Variants in PROX2 observed in about 807,000 individuals in gnomAD.
The protein encoded by PROX2 is prospero homeobox protein 2.
Under a neutral mutation model 48.9 loss-of-function variants are expected in PROX2, and 46 were observed. The ratio of observed to expected loss-of-function variants is 0.94; its 90% CI spans 0.74 to 1.20. PROX2 has a LOEUF of 1.20. Ranked by LOEUF, PROX2 falls within the 50% of genes most tolerant of loss-of-function variation. The pLI, the probability that PROX2 is intolerant of heterozygous loss-of-function variation, is 0.00. For missense variants in PROX2, 663 were observed against 719.4 expected (o/e 0.92, Z 0.90); for synonymous variants, 260 against 276.6 (o/e 0.94, Z 0.60).
chr14:74,856,764 T>G (rs2091745999), intron 5 of PROX2, 37 bp downstream of exon 5: 2 of 1,542,946 alleles, frequency 1.3e-6, no homozygotes, highest in East Asian at 4.5e-5. Flanking sequence ...GGGAAGACAC[T>G]CATCAGATCT....
At chr14:74,871,360 G>A (rs2140174389) in intron 1 of PROX2, 123 bp from the exon 2 acceptor site, 1 of 152,262 alleles carries the variant, frequency 6.6e-6, no homozygotes, top group East Asian at 1.9e-4. Context: ...CACTGGAGAA[G>A]CAAATTTAGC....
At chr14:74,858,842 TTGTGTGTGTGTGTGTGTGTGTGTG>T (rs199587376) in intron 3 of PROX2, 5 of 162,148 alleles carry the variant, frequency 3.1e-5, no homozygotes, top group Admixed American at 1.4e-4. Context: ...GGTTGGTGTA[TTGTGTGTGTGTGTGTGTGTGTGTG>T]TGTGTGTGTG....
rs145414176 is a variant in PROX2 at position 74,853,040 on chromosome 14, C to T, written c.*2092G>A. 2.0e-5 allele frequency: 3 copies of T among 152,294 alleles called. No homozygotes were observed. The East Asian group carries it at 5.8e-4, about 29-fold the overall frequency. The allele number at this position is 152,294 out of a possible 1,614,324, so 9.4% of individuals were successfully genotyped here. On this transcript the variant is annotated 3_prime_UTR_variant, in exon 6 of 6. Coordinates refer to ENST00000556489, the MANE Select transcript of PROX2 (RefSeq NM_001243007.2). ...AAATAGAATTCTTCTGTTGGCAGAG[C>T]ATACATATTTATACATTCTTCTGTG...
At chr14:74,874,159 C>T (rs1191077765) in intron 1 of PROX2, 2 of 506,082 alleles carry the variant, frequency 4.0e-6, no homozygotes, top group Non-Finnish European at 4.0e-6. Context: ...TACACAAATC[C>T]TCAGAGAACA....
At chr14:74,860,135 TGA>T (rs1759674547) in intron 3 of PROX2, among the ~76,000 whole-genome samples, 3 of 152,308 alleles carry the variant, frequency 2.0e-5, no homozygotes, top group Middle Eastern at 3.4e-3. Context: ...TTGAGAACGG[TGA>T]GATAATACAG....
At chr14:74,859,862 G>A (rs1292664510) in intron 3 of PROX2, among the ~76,000 whole-genome samples, 1 of 152,212 alleles carries the variant, frequency 6.6e-6, no homozygotes, top group Non-Finnish European at 1.5e-5. Flanking sequence ...CACAAATGCT[G>A]TGGAGAGAAT....
intron 2 of PROX2, among the ~76,000 whole-genome samples, chr14:74,869,288 T>A (rs1883154417): frequency 6.6e-6 from 1 of 152,010 alleles, no homozygotes; most frequent in African/African-American, 2.4e-5. Context: ...AACTTTTTTT[T>A]TTTTTTTGAG....
At chr14:74,856,046 G>A (rs1478652361) in intron 5 of PROX2, 1 of 152,252 alleles carries the variant, frequency 6.6e-6, no homozygotes, top group Non-Finnish European at 1.5e-5. Context: ...TGTATTTTTT[G>A]GAGGTATCAA....
At chr14:74,874,718 TGA>T (rs1163101579) in intron 1 of PROX2, among the ~76,000 whole-genome samples, 1 of 152,214 alleles carries the variant, frequency 6.6e-6, no homozygotes, top group African/African-American at 2.4e-5. Flanking sequence ...TGGACCAGTT[TGA>T]GAGTTACTGA....
chr14:74,856,689 G>T, intron 5 of PROX2, 112 bp downstream of exon 5: 1 of 884,570 alleles, frequency 1.1e-6, no homozygotes, highest in Non-Finnish European at 1.7e-6. Flanking sequence ...GGCCCAGGCT[G>T]CCCTGGCTCT....
intron 2 of PROX2, among the ~76,000 whole-genome samples, chr14:74,869,633 G>A (rs776766171): frequency 3.3e-5 from 5 of 151,980 alleles, no homozygotes; most frequent in East Asian, 1.9e-4. Flanking sequence ...GAATATATTC[G>A]TGTGTTACTT....
At chr14:74,871,340 T>TA (rs1000174504) in intron 1 of PROX2, 103 bp from the exon 2 acceptor site, 1 of 151,992 alleles carries the variant, frequency 6.6e-6, no homozygotes, top group East Asian at 1.9e-4. Flanking sequence ...GTACCAGAAA[T>TA]AAAAAACCCC....
At chr14:74,868,360 T>TATATATAA (rs1883126741) in intron 2 of PROX2, among the ~76,000 whole-genome samples, 2 of 107,840 alleles carry the variant, frequency 1.9e-5, no homozygotes, top group South Asian at 3.1e-4. Context: ...TATATATATA[T>TATATATAA]AAACAAAAAT....
At position 74,854,896 on chromosome 14, in the gene PROX2, G is replaced by A; in HGVS notation, c.*236C>T. On this transcript the variant is annotated 3_prime_UTR_variant, in exon 6 of 6. Transcript: ENST00000556489. ...CTTCAAGTCTTCTGATTGGAAACTT[G>A]TGTTCCTTTTACAATATACTACCAA... 3.2e-6 allele frequency: 1 copy of A among 311,096 alleles called. No homozygotes were observed. The highest frequency in any genetic ancestry group is 5.8e-6 in the Non-Finnish European group (1 of 171,502). The allele number at this position is 311,096 out of a possible 1,614,324, so 19.3% of individuals were successfully genotyped here.
rs373060395 is a variant in PROX2 at position 74,862,556 on chromosome 14, C to T, written c.1279G>A (p.Glu427Lys). Residue 427 changes from glutamate to lysine, a missense_variant, in exon 3 of 6, where the codon GAG (glutamate) becomes AAG (lysine). By Grantham distance (56) the Glu-to-Lys change is moderately conservative (BLOSUM62 1). Transcript: ENST00000556489. ...TGGACCAAAGAGAAAGGCAGTGCCT[C>T]CATGACAGCATGCAGGCCTCTCTGT... is the stretch of plus-strand genomic sequence containing the variant. ...MEQRGLHAVMEALPFSLVHIQ... is the reference protein window; with the variant it reads ...MEQRGLHAVMKALPFSLVHIQ... 1.2e-6 allele frequency: 2 copies of T among 1,613,652 alleles called. No individual in the cohort carries two copies. Among genetic ancestry groups the T allele is most frequent in the Non-Finnish European group, 1.7e-6 (2 of 1,179,764 alleles).
At chr14:74,861,123 G>A (rs2091791947) in intron 3 of PROX2, 5 of 946,076 alleles carry the variant, frequency 5.3e-6, no homozygotes, top group South Asian at 5.0e-5. Flanking sequence ...AGGACACAAA[G>A]GCAGGTTCTG....
intron 2 of PROX2, among the ~76,000 whole-genome samples, chr14:74,869,230 T>C (rs1883152096): frequency 6.6e-6 from 1 of 152,058 alleles, no homozygotes; most frequent in African/African-American, 2.4e-5. Flanking sequence ...CCTCCAGAAA[T>C]GTACCAACTG....
At chr14:74,867,595 C>T (rs1883093984) in intron 2 of PROX2, among the ~76,000 whole-genome samples, 1 of 152,150 alleles carries the variant, frequency 6.6e-6, no homozygotes, top group Non-Finnish European at 1.5e-5. Flanking sequence ...TTTGTCTCCT[C>T]AATAGACAAT....
At chr14:74,874,691 ACGAAG>A (rs1376595582) in intron 1 of PROX2, among the ~76,000 whole-genome samples, 1 of 152,226 alleles carries the variant, frequency 6.6e-6, no homozygotes, top group Non-Finnish European at 1.5e-5. Context: ...AAAAAATGAA[ACGAAG>A]AGGAAAGATA....
Sources: allele counts gnomAD v4.1 joint callset (sites outside exome capture counted in the v4.1 genomes callset), GRCh38; gene constraint gnomAD v4.1.1; transcripts MANE v1.5; gene names NCBI Gene and HGNC (gene_info 2026-07-23, HGNC 2026-07-21).